Variants in PCYT1B observed in about 807,000 individuals in gnomAD.
The protein encoded by PCYT1B is phosphate cytidylyltransferase 1B, choline, also known as choline-phosphate cytidylyltransferase B.
Under a neutral mutation model 26.4 loss-of-function variants are expected in PCYT1B, and 10 were observed. The observed-to-expected ratio is 0.38, with a 90% CI of 0.23 to 0.64. PCYT1B has a LOEUF of 0.64. PCYT1B is among the 30% of genes least tolerant of loss of function. The probability of loss-of-function intolerance (pLI) is 0.56; values close to 1 mark genes in which losing one functional copy is unlikely to be tolerated. For missense variants in PCYT1B, 161 were observed against 292.7 expected (o/e 0.55, Z 3.28); for synonymous variants, 131 against 108.4 (o/e 1.21, Z -1.29).
chrX:24,582,088 C>A (rs183404913), intron 5 of PCYT1B, among the ~76,000 whole-genome samples: 4 of 112,391 alleles, frequency 3.6e-5, no homozygotes, highest in Admixed American at 1.9e-4. Flanking sequence ...CAAATTGACC[C>A]AGCTGTGCAG....
Position 24,580,420 on chromosome X carries a change from G to A in PCYT1B, c.566-962C>T, listed in dbSNP as rs144312008. On this transcript the variant is annotated intron_variant, in intron 5 of 7. Coordinates refer to ENST00000379144, the MANE Select transcript of PCYT1B (RefSeq NM_004845.5). ...ATACTAAAGGAAAAGAAGAAAAAGT[G>A]TACTATTTGTGTCGTCTCTGATCTA... is the stretch of plus-strand genomic sequence containing the variant. Among the ~76,000 whole-genome samples the A allele has an allele frequency of 4.3e-3, 486 of 112,131 alleles. 2 individuals carry two copies. Among genetic ancestry groups the A allele is most frequent in the African/African-American group, 0.014 (447 of 30,884 alleles).
At chrX:24,564,259 C>G (rs1317354675) in intron 7 of PCYT1B, among the ~76,000 whole-genome samples, 1 of 111,404 alleles carries the variant, frequency 9.0e-6, no homozygotes, top group Non-Finnish European at 1.9e-5. Flanking sequence ...TGAAAAATGG[C>G]AGGATTCCTA....
At chrX:24,610,234 T>C (rs1237720215) in intron 2 of PCYT1B, among the ~76,000 whole-genome samples, 4 of 112,065 alleles carry the variant, frequency 3.6e-5, no homozygotes, top group Non-Finnish European at 5.6e-5. Flanking sequence ...TGCAACCTCA[T>C]TAATTTGGAA....
chrX:24,572,570 A>G (rs1340870657), intron 7 of PCYT1B, among the ~76,000 whole-genome samples: 1 of 111,760 alleles, frequency 8.9e-6, no homozygotes, highest in East Asian at 2.8e-4. Context: ...TTAAGAAATG[A>G]GTTCCAGTCC....
chrX:24,629,820 G>C (rs1926009952), intron 1 of PCYT1B, among the ~76,000 whole-genome samples: 2 of 110,677 alleles, frequency 1.8e-5, no homozygotes, highest in African/African-American at 6.6e-5. Flanking sequence ...CCTCACAGCA[G>C]TGAGTGAATA....
upstream of PCYT1B, among the ~76,000 whole-genome samples, chrX:24,648,343 G>A (rs1224727611): frequency 9.5e-6 from 1 of 105,360 alleles, no homozygotes; most frequent in Non-Finnish European, 1.9e-5. Context: ...CCTAGTTCTT[G>A]TTTAATCTTT....
chrX:24,598,670 T>C (rs1924865780), intron 3 of PCYT1B, among the ~76,000 whole-genome samples: 3 of 112,265 alleles, frequency 2.7e-5, no homozygotes, highest in Non-Finnish European at 3.8e-5. Context: ...TTATAACTTA[T>C]TATATTAGAT....
chrX:24,590,455 T>C (rs1214115749), intron 3 of PCYT1B, among the ~76,000 whole-genome samples: 10 of 112,139 alleles, frequency 8.9e-5, no homozygotes. Flanking sequence ...GTGACTTTCA[T>C]ATCTTTTTAT....
At chrX:24,566,257 A>G (rs1363400142) in intron 7 of PCYT1B, among the ~76,000 whole-genome samples, 2 of 112,311 alleles carry the variant, frequency 1.8e-5, no homozygotes, top group African/African-American at 6.5e-5. Flanking sequence ...AATGCAATGT[A>G]TAACACACAA....
At chrX:24,648,184 G>A (rs936032282), upstream of PCYT1B, among the ~76,000 whole-genome samples, 1 of 111,485 alleles carries the variant, frequency 9.0e-6, no homozygotes, top group Non-Finnish European at 1.9e-5. Context: ...ATTATCTAGG[G>A]ACATTCACAT....
At chrX:24,667,691 T>G (rs1372154795) in intron 1 of PCYT1B, among the ~76,000 whole-genome samples, 1 of 109,446 alleles carries the variant, frequency 9.1e-6, no homozygotes, top group African/African-American at 3.3e-5. Context: ...CACTCCAGCC[T>G]GAGCAACATA....
chrX:24,605,432 C>T (rs1488509713), intron 3 of PCYT1B, among the ~76,000 whole-genome samples: 1 of 111,671 alleles, frequency 9.0e-6, no homozygotes, highest in African/African-American at 3.3e-5. Flanking sequence ...TCCCTCCTTC[C>T]TCCGCCCAGT....
intron 3 of PCYT1B, among the ~76,000 whole-genome samples, chrX:24,606,903 C>T (rs907163165): frequency 1.1e-4 from 12 of 111,614 alleles, no homozygotes; most frequent in Non-Finnish European, 1.3e-4. Context: ...TTTTTAATTG[C>T]AGAAGGTAAC....
chrX:24,655,713 G>A (rs1926889171), intron 1 of PCYT1B, among the ~76,000 whole-genome samples: 1 of 111,121 alleles, frequency 9.0e-6, no homozygotes, highest in South Asian at 3.8e-4. Flanking sequence ...AACCTGGAAG[G>A]CGGAGGGTTG....
chrX:24,636,413 G>A (rs1926271421), intron 1 of PCYT1B, among the ~76,000 whole-genome samples: 1 of 112,187 alleles, frequency 8.9e-6, no homozygotes, highest in Non-Finnish European at 1.9e-5. Context: ...AGGAGTTCAA[G>A]ACCAGGCTGG....
Position 24,562,267 on chromosome X carries a change from G to T in PCYT1B, c.*26C>A. 4 of 1,155,155 alleles carry T rather than the reference G, an allele frequency of 3.5e-6. No homozygotes were observed. The highest frequency in any genetic ancestry group is 4.6e-6 in the Non-Finnish European group (4 of 866,566). On this transcript the variant is annotated 3_prime_UTR_variant, in exon 8 of 8. Coordinates refer to ENST00000379144, the MANE Select transcript of PCYT1B (RefSeq NM_004845.5). ...CTCGCCCTCCTCCCCATCCTGCATG[G>T]TGCGGCTCTTGCCTCCCAGCAGCCT...
At chrX:24,651,994 A>C (rs927820745), upstream of PCYT1B, among the ~76,000 whole-genome samples, 1 of 111,163 alleles carries the variant, frequency 9.0e-6, no homozygotes, top group Non-Finnish European at 1.9e-5. Flanking sequence ...AAGCTGGAGC[A>C]AAGTCCTAAA....
intron 1 of PCYT1B, among the ~76,000 whole-genome samples, chrX:24,669,409 C>T (rs758866980): frequency 2.0e-5 from 2 of 101,379 alleles, no homozygotes; most frequent in Admixed American, 1.1e-4. Context: ...CCCAGCTACT[C>T]GGGAGGCTGA....
At chrX:24,663,520 T>C (rs970240392) in intron 1 of PCYT1B, among the ~76,000 whole-genome samples, 3 of 112,708 alleles carry the variant, frequency 2.7e-5, no homozygotes, top group African/African-American at 9.7e-5. Flanking sequence ...CTTCTTGTTA[T>C]CTGGACAAGT....
Sources: allele counts gnomAD v4.1 joint callset (sites outside exome capture counted in the v4.1 genomes callset), GRCh38; gene constraint gnomAD v4.1.1; transcripts MANE v1.5; gene names NCBI Gene and HGNC (gene_info 2026-07-23, HGNC 2026-07-21).